The following MDM1 variants were observed in gnomAD, a reference collection of about 807,000 sequenced individuals.
The protein encoded by MDM1 is stabilizer of axonemal microtubules 6.
A neutral mutation model predicts 89.1 loss-of-function variants in MDM1; 61 were observed. The ratio of observed to expected loss-of-function variants is 0.68; its 90% CI spans 0.56 to 0.85. MDM1 has a LOEUF of 0.85. MDM1 is among the 40% of genes least tolerant of loss of function. MDM1 has a pLI of 0.00. For missense variants in MDM1, 820 were observed against 846.5 expected (o/e 0.97, Z 0.39); for synonymous variants, 290 against 294.1 (o/e 0.99, Z 0.14).
chr12:68,330,922 C>T (rs909666742), intron 2 of MDM1, 185 bp downstream of exon 2: 5 of 578,322 alleles, frequency 8.6e-6, no homozygotes, highest in East Asian at 2.8e-5. Flanking sequence ...GGGAATAGTC[C>T]TGGCTCATAG....
At chr12:68,307,104 A>G (rs1330609904) in intron 12 of MDM1, among the ~76,000 whole-genome samples, 1 of 152,238 alleles carries the variant, frequency 6.6e-6, no homozygotes, top group Non-Finnish European at 1.5e-5. Flanking sequence ...ATAAAGTCAA[A>G]TACTGCATAT....
intron 7 of MDM1, among the ~76,000 whole-genome samples, chr12:68,317,394 G>T (rs1426992923): frequency 6.6e-6 from 1 of 151,694 alleles, no homozygotes; most frequent in Non-Finnish European, 1.5e-5. Context: ...TTCTAGAATT[G>T]CTTTTCTTTC....
chr12:68,310,826 T>C (rs1432368453), intron 12 of MDM1, among the ~76,000 whole-genome samples: 2 of 152,206 alleles, frequency 1.3e-5, no homozygotes, highest in African/African-American at 2.4e-5. Context: ...AAATTCCCTA[T>C]AGATTTTCAA....
At chr12:68,308,808 T>C (rs1421258331) in intron 12 of MDM1, among the ~76,000 whole-genome samples, 1 of 152,218 alleles carries the variant, frequency 6.6e-6, no homozygotes, top group Non-Finnish European at 1.5e-5. Flanking sequence ...TGTCCAGAGT[T>C]CTCTTGCTCA....
intron 5 of MDM1, among the ~76,000 whole-genome samples, chr12:68,322,542 G>C (rs963962681): frequency 1.3e-5 from 2 of 152,196 alleles, no homozygotes; most frequent in African/African-American, 4.8e-5. Context: ...GCTGAGGCAG[G>C]AGAATTGCTT....
intron 13 of MDM1, among the ~76,000 whole-genome samples, chr12:68,298,915 T>C (rs975495982): frequency 7.9e-5 from 12 of 152,084 alleles, no homozygotes; most frequent in African/African-American, 2.9e-4. Flanking sequence ...AAGAGACCTC[T>C]GCCATTCCAA....
intron 2 of MDM1, among the ~76,000 whole-genome samples, chr12:68,329,743 G>T (rs1280728577): frequency 6.6e-6 from 1 of 152,152 alleles, no homozygotes; most frequent in Non-Finnish European, 1.5e-5. Context: ...TAATATACTA[G>T]TAAGGAAGAA....
chr12:68,306,042 C>T (rs545877297), intron 12 of MDM1, among the ~76,000 whole-genome samples: 23 of 149,500 alleles, frequency 1.5e-4, no homozygotes, highest in African/African-American at 5.4e-4. Flanking sequence ...GCAACCACAA[C>T]ATCATGGTAC....
At chr12:68,299,079 A>G (rs1431701598) in intron 13 of MDM1, among the ~76,000 whole-genome samples, 2 of 152,188 alleles carry the variant, frequency 1.3e-5, no homozygotes, top group Non-Finnish European at 2.9e-5. Flanking sequence ...AAACTATAAC[A>G]AATTATAATC....
intron 4 of MDM1, chr12:68,325,214 T>A: frequency 8.8e-7 from 1 of 1,138,672 alleles, no homozygotes; most frequent in Non-Finnish European, 1.1e-6. Flanking sequence ...ATTTAGTATA[T>A]GTGCTGCATC....
rs559972533 is a variant in MDM1, at chr12:68,321,698, T to C, written c.802-70A>G. 1.8e-4 allele frequency: 167 copies of C among 949,936 alleles called. 1 individual carries two copies. In the African/African-American group the frequency reaches 2.6e-3, roughly 15 times the overall value. The allele number at this position is 949,936 out of a possible 1,614,324, so 58.8% of individuals were successfully genotyped here. ...CATTAAAGTGAAAACATGCATGTTA[T>C]AAAGTTAGACTTGAATATTTAATGA... On this transcript the variant is annotated intron_variant, in intron 5 of 14. Transcript: ENST00000682720.
In MDM1 at chr12:68,332,308, C is replaced by A. The variant is rs1020738620; in HGVS notation, c.-63G>T. 2.6e-6 allele frequency: 4 copies of A among 1,517,724 alleles called. No individual in the cohort carries two copies. In the African/African-American group the frequency reaches 4.2e-5, roughly 16 times the overall value. The allele number at this position is 1,517,724 out of a possible 1,614,324, so 94.0% of individuals were successfully genotyped here. A position where few individuals can be genotyped will look rare whatever the true frequency, so the allele number is the denominator to read the frequency against. On this transcript the variant is annotated 5_prime_UTR_variant, in exon 1 of 15. Coordinates refer to ENST00000682720, the MANE Select transcript of MDM1 (RefSeq NM_001354969.2). ...AACTGGAGAAAAAGCTCCGAGGGGG[C>A]GGGGCGATAACAGTGTTCCCTAGCA... is the stretch of plus-strand genomic sequence containing the variant.
chr12:68,322,964 A>T, intron 5 of MDM1, 109 bp downstream of exon 5: 1 of 931,168 alleles, frequency 1.1e-6, no homozygotes, highest in Non-Finnish European at 1.6e-6. Context: ...CAAATGAATT[A>T]ATGAACTAGT....
chr12:68,318,308 C>G lies in MDM1; in HGVS notation c.1006-1698G>C, dbSNP rs1051833525. The stretch of plus-strand genomic sequence containing the variant: ...GGGGTGGAAGGGACAGCAGAGGCAG[C>G]TGCATCTATCCATGCATGATGAATG... On this transcript the variant is annotated intron_variant, in intron 7 of 14. Coordinates refer to ENST00000682720, the MANE Select transcript of MDM1 (RefSeq NM_001354969.2). 3.3e-5 allele frequency among the ~76,000 whole-genome samples: 5 copies of G among 152,298 alleles called. No homozygotes were observed. In the East Asian group the frequency reaches 9.6e-4, roughly 29 times the overall value.
At chr12:68,313,843 G>GT in intron 10 of MDM1, 90 bp from the exon 11 acceptor site, 1 of 1,191,014 alleles carries the variant, frequency 8.4e-7, no homozygotes, top group Non-Finnish European at 1.2e-6. Context: ...CAATAATAAA[G>GT]TATAAAACTT....
At chr12:68,321,133 G>T in intron 7 of MDM1, 1 of 404,358 alleles carries the variant, frequency 2.5e-6, no homozygotes, top group Non-Finnish European at 4.4e-6. Context: ...AAACTTAAAA[G>T]ACCTCAATAA....
chr12:68,331,208 T>G lies in MDM1; in HGVS notation c.32A>C (p.Tyr11Ser), dbSNP rs148150437. 124 of 1,585,384 alleles carry G rather than the reference T, an allele frequency of 7.8e-5. 1 individual carries two copies. The highest frequency in any genetic ancestry group is 1.0e-4 in the Non-Finnish European group (118 of 1,153,874). The change falls in exon 2 of 15, where the codon TAC becomes TCC. Residue 11 changes from tyrosine to serine, a missense_variant. By Grantham distance (144) the Tyr-to-Ser change is moderately radical (BLOSUM62 -2). Coordinates refer to ENST00000682720, the MANE Select transcript of MDM1 (RefSeq NM_001354969.2). ...CTTTTTCCACAGGAAGTTCCTCTGG[T>G]ATTCACTCAGCCCCTGTAATGCAAA... MPVRFKGLSE[Y>S]QRNFLWKKSY...
intron 4 of MDM1, chr12:68,323,543 T>G (rs1875533707): frequency 5.4e-6 from 1 of 184,600 alleles, no homozygotes; most frequent in East Asian, 1.4e-4. Flanking sequence ...TCTACAGGTT[T>G]TTTTCTTCCT....
In MDM1 at chr12:68,326,824, C is replaced by T; in HGVS notation, c.331G>A (p.Glu111Lys). 1 of 1,613,938 alleles carries T rather than the reference C, an allele frequency of 6.2e-7. No individual in the cohort carries two copies. The highest frequency in any genetic ancestry group is 8.5e-7 in the Non-Finnish European group (1 of 1,179,864). ...DVTQERVHSL[E>K]ASRVPKRTRS... Reference sequence around the variant, plus strand: ...GTTCTTTTGGGAACCCTGGAAGCTTCTAGTGAGTGAACTCTTTCTTGAGTA... The same window carrying T: ...GTTCTTTTGGGAACCCTGGAAGCTTTTAGTGAGTGAACTCTTTCTTGAGTA... The change falls in exon 3 of 15, where the codon GAA (glutamate) becomes AAA (lysine). Residue 111 changes from glutamate to lysine, a missense_variant. Physicochemically the swap from Glu to Lys is moderately conservative, Grantham distance 56 (BLOSUM62 1). Transcript: ENST00000682720.
Sources: gnomAD v4.1 joint callset for allele counts (sites outside exome capture counted in the v4.1 genomes callset) on GRCh38, gnomAD v4.1.1 for gene constraint, MANE v1.5 for transcripts, NCBI Gene and HGNC (gene_info 2026-07-23, HGNC 2026-07-21) for gene names.